The following TNRC18 variants were observed in gnomAD, a reference collection of about 807,000 sequenced individuals.
The protein encoded by TNRC18 is trinucleotide repeat-containing gene 18 protein.
TNRC18 carries 69 observed loss-of-function variants against 226.7 expected under a neutral mutation model. The ratio of observed to expected loss-of-function variants is 0.30; its 90% CI spans 0.25 to 0.37. TNRC18 has a LOEUF of 0.37. Ranked by LOEUF, TNRC18 falls within the 10% of genes least tolerant of loss-of-function variation. The probability of loss-of-function intolerance (pLI) is 1.00; values close to 1 mark genes in which losing one functional copy is unlikely to be tolerated. For synonymous variants in TNRC18, 2,449 were observed against 1,927.6 expected, an observed-to-expected ratio of 1.27 and a Z score of -7.09; for missense variants, 4,754 against 4,256.6, an observed-to-expected ratio of 1.12 and a Z score of -3.25.
At chr7:5,334,299 T>A (rs868631296) in intron 18 of TNRC18, among the ~76,000 whole-genome samples, 1 of 36,352 alleles carries the variant, frequency 2.8e-5, no homozygotes, top group Non-Finnish European at 9.7e-5. Flanking sequence ...TTAATTAACT[T>A]TTTTTTTTTT....
At chr7:5,383,957 A>ATCTT (rs1554294788) in intron 5 of TNRC18, among the ~76,000 whole-genome samples, 1 of 78,794 alleles carries the variant, frequency 1.3e-5, no homozygotes, top group African/African-American at 5.3e-5. Flanking sequence ...TACCCGGGTG[A>ATCTT]TTTTTTTTTT....
intron 17 of TNRC18, among the ~76,000 whole-genome samples, chr7:5,347,167 C>A (rs1390099554): frequency 1.3e-5 from 2 of 150,970 alleles, no homozygotes; most frequent in Admixed American, 6.6e-5. Flanking sequence ...ACAGAGCAAA[C>A]CTTGTCTCTA....
chr7:5,375,582 C>A (rs751916466), intron 9 of TNRC18, among the ~76,000 whole-genome samples: 14 of 152,120 alleles, frequency 9.2e-5, no homozygotes, highest in Non-Finnish European at 1.8e-4. Flanking sequence ...TCCTCCAGAG[C>A]AGACCCTTTG....
intron 16 of TNRC18, among the ~76,000 whole-genome samples, chr7:5,353,765 C>G (rs1411650661): frequency 6.6e-6 from 1 of 152,080 alleles, no homozygotes; most frequent in Non-Finnish European, 1.5e-5. Context: ...AACAGAGGAG[C>G]GCTCTGCAGA....
rs909893892 is a variant in TNRC18 at position 5,366,763 on chromosome 7, T to C, written c.4219+3612A>G. ...TCCTGCGAGACTTAAGAGTCTACAA[T>C]GTCAGGTAAGGATGGAGGGCTGTTC... On this transcript the variant is annotated intron_variant, in intron 11 of 29. Transcript: ENST00000430969. Among the ~76,000 whole-genome samples the C allele has an allele frequency of 9.2e-5, 14 of 152,062 alleles. 1 individual carries two copies. The highest frequency in any genetic ancestry group is 8.8e-5 in the Non-Finnish European group (6 of 68,004).
intron 11 of TNRC18, among the ~76,000 whole-genome samples, chr7:5,367,180 C>T (rs1793701804): frequency 6.6e-6 from 1 of 152,026 alleles, no homozygotes; most frequent in African/African-American, 2.4e-5. Context: ...GCATGGCCAA[C>T]ATGGGGAAAC....
rs567953519 is a variant in TNRC18, at chr7:5,307,481, T to G, written c.*625A>C. ...GAGGGTTTGGACCAGGGTGGGCCTGTGCCGGGCCCTCTCCACCTGGTGCCT... is the reference window on the plus strand; with the variant it reads ...GAGGGTTTGGACCAGGGTGGGCCTGGGCCGGGCCCTCTCCACCTGGTGCCT... On this transcript the variant is annotated 3_prime_UTR_variant, in exon 30 of 30. Coordinates refer to ENST00000430969, the MANE Select transcript of TNRC18 (RefSeq NM_001080495.3). 61 of 440,858 alleles carry G rather than the reference T, an allele frequency of 1.4e-4. No individual in the cohort carries two copies. The highest frequency in any genetic ancestry group is 4.7e-4 in the South Asian group (29 of 62,174). 27.3% of individuals were successfully genotyped at this position (440,858 alleles called of 1,614,324 possible).
intron 2 of TNRC18, among the ~76,000 whole-genome samples, chr7:5,398,110 C>G (rs970474722): frequency 6.6e-6 from 1 of 152,088 alleles, no homozygotes; most frequent in Non-Finnish European, 1.5e-5. Context: ...AATCAATCCT[C>G]CAGCCTCAGC....
intron 2 of TNRC18, among the ~76,000 whole-genome samples, chr7:5,408,075 G>T (rs1562632209): frequency 6.6e-6 from 1 of 152,134 alleles, no homozygotes; most frequent in South Asian, 2.1e-4. Context: ...CGCAGTAGGG[G>T]TGGATCACGA....
Position 5,389,070 on chromosome 7 carries a change from C to T in TNRC18, c.754G>A (p.Asp252Asn). The T allele has an allele frequency of 7.8e-7, 1 of 1,280,580 alleles. No individual in the cohort carries two copies. Among genetic ancestry groups the T allele is most frequent in the South Asian group, 2.0e-5 (1 of 50,776 alleles). The allele number at this position is 1,280,580 out of a possible 1,614,324, so 79.3% of individuals were successfully genotyped here. The change falls in exon 5 of 30, where the codon GAC (aspartate) becomes AAC (asparagine). Residue 252 changes from aspartate to asparagine, a missense_variant. Asp to Asn is a conservative substitution (Grantham distance 23). Transcript: ENST00000430969. Reference protein sequence around the residue: ...TQEARAEGRQDRGPPRLAERL... With the variant: ...TQEARAEGRQNRGPPRLAERL... ...TCAGCCAGGCGCGGGGGCCCCCGGT[C>T]CTGGCGGCCCTCGGCGCGCGCCTCC...
chr7:5,359,318 G>A (rs1792785097), intron 15 of TNRC18, 80 bp downstream of exon 15: 18 of 1,459,922 alleles, frequency 1.2e-5, no homozygotes, highest in East Asian at 1.1e-4. Context: ...AAGGGCCTGC[G>A]AAGGGAGCGT....
In TNRC18 at chr7:5,307,838, G is replaced by C. The variant is rs1325501648; in HGVS notation, c.*268C>G. 7.7e-6 allele frequency: 4 copies of C among 521,642 alleles called. No individual in the cohort carries two copies. Among genetic ancestry groups the C allele is most frequent in the Non-Finnish European group, 1.4e-5 (4 of 286,682 alleles). 32.3% of individuals were successfully genotyped at this position (521,642 alleles called of 1,614,324 possible). On this transcript the variant is annotated 3_prime_UTR_variant, in exon 30 of 30. Transcript: ENST00000430969. ...GCAACGTGCTGGGCAGGAAGGGCCGGTCCGGCCATACCCTGATAGCTAAGA... is the reference window on the plus strand; with the variant it reads ...GCAACGTGCTGGGCAGGAAGGGCCGCTCCGGCCATACCCTGATAGCTAAGA...
chr7:5,414,278 C>T (rs779633036), intron 2 of TNRC18, among the ~76,000 whole-genome samples: 37 of 151,454 alleles, frequency 2.4e-4, no homozygotes, highest in Non-Finnish European at 4.4e-4. Flanking sequence ...ACTTGATGTA[C>T]CATCGTCTCC....
At chr7:5,333,680 C>T (rs982738682) in intron 18 of TNRC18, among the ~76,000 whole-genome samples, 13 of 152,164 alleles carry the variant, frequency 8.5e-5, no homozygotes, top group African/African-American at 3.1e-4. Context: ...CCAGCACTCG[C>T]CCAGCACCCA....
intron 2 of TNRC18, among the ~76,000 whole-genome samples, chr7:5,400,708 T>A (rs1781024711): frequency 6.6e-6 from 1 of 152,146 alleles, no homozygotes; most frequent in Non-Finnish European, 1.5e-5. Context: ...TTCAAATGGT[T>A]AATTGTATGC....
intron 18 of TNRC18, among the ~76,000 whole-genome samples, chr7:5,335,835 G>GAAAAA (rs61412615): frequency 1.6e-5 from 2 of 126,814 alleles, no homozygotes; most frequent in African/African-American, 6.6e-5. Context: ...ATATTCACTG[G>GAAAAA]AAAAAAAAAA....
At chr7:5,362,180 C>T (rs1223959100) in intron 12 of TNRC18, 147 bp from the exon 13 acceptor site, 16 of 991,552 alleles carry the variant, frequency 1.6e-5, no homozygotes, top group Non-Finnish European at 2.2e-5. Flanking sequence ...CTGACTGTGG[C>T]CATGGCCTCA....
rs1448616629 is a variant in TNRC18, at chr7:5,345,646, G to C, written c.5635C>G (p.Pro1879Ala). ...ACAGACAGGGATGGACCCACCGTGG[G>C]GCTGGGGAGGGCGCTGGCGGCGAAG... ...ARFAASALPS[P>A]TVGPSLSVVQ... The change falls in exon 18 of 30, where the codon CCC becomes GCC. Residue 1879 changes from proline (P) to alanine (A), a missense_variant. Transcript: ENST00000430969. 6.4e-6 allele frequency: 10 copies of C among 1,555,836 alleles called. No homozygotes were observed. The highest frequency in any genetic ancestry group is 7.8e-6 in the Non-Finnish European group (9 of 1,149,946).
chr7:5,320,565 G>A lies in TNRC18; in HGVS notation c.6603C>T (p.His2201=), dbSNP rs1788248350. 2 of 1,611,514 alleles carry A rather than the reference G, an allele frequency of 1.2e-6. No homozygotes were observed. The highest frequency in any genetic ancestry group is 1.1e-5 in the South Asian group (1 of 90,922). ...VVEGERGNRP[H]IYCLEQLLQE... ...GCAGCAACTGCTCCAGACAGTAGAT[G>A]TGGGGCCGGTTGCCCCGCTCACCCT... Residue 2201 remains histidine, a synonymous_variant, in exon 23 of 30, where the codon CAC becomes CAT. Coordinates refer to ENST00000430969, the MANE Select transcript of TNRC18 (RefSeq NM_001080495.3).
Sources: gnomAD v4.1 joint callset for allele counts (sites outside exome capture counted in the v4.1 genomes callset) on GRCh38, gnomAD v4.1.1 for gene constraint, MANE v1.5 for transcripts, NCBI Gene and HGNC (gene_info 2026-07-23, HGNC 2026-07-21) for gene names.